Variants in ITPR3 observed in about 807,000 individuals in gnomAD.
ITPR3 encodes the protein inositol 1,4,5-trisphosphate-gated calcium channel ITPR3.
In ITPR3, 173 loss-of-function variants were observed where a neutral mutation model predicts 293.2. The ratio of observed to expected loss-of-function variants is 0.59; its 90% CI spans 0.52 to 0.67. The LOEUF (loss-of-function observed/expected upper bound fraction) is 0.67, where lower values mean the gene tolerates loss of function less well. ITPR3 is among the 30% of genes least tolerant of loss of function. The probability of loss-of-function intolerance (pLI) is 0.00; values close to 1 mark genes in which losing one functional copy is unlikely to be tolerated. For synonymous variants in ITPR3, 1,295 were observed against 1,444.4 expected, an observed-to-expected ratio of 0.90 and a Z score of 2.35; for missense variants, 2,796 against 3,592.1, an observed-to-expected ratio of 0.78 and a Z score of 5.66.
intron 1 of ITPR3, among the ~76,000 whole-genome samples, chr6:33,636,959 C>T (rs771109819): frequency 6.6e-6 from 1 of 152,204 alleles, no homozygotes; most frequent in Non-Finnish European, 1.5e-5. Flanking sequence ...CCTGCTCTGA[C>T]GCCGGGCTGC....
rs1299426621 is a variant in ITPR3 at position 33,666,419 on chromosome 6, TC to T, written c.1551+445del. 6.6e-6 allele frequency among the ~76,000 whole-genome samples: 1 copy of T among 152,166 alleles called. No individual in the cohort carries two copies. Among genetic ancestry groups the T allele is most frequent in the African/African-American group, 2.4e-5 (1 of 41,410 alleles). On this transcript the variant is annotated intron_variant, in intron 14 of 57. Transcript: ENST00000605930. This position sits in a 1 kb window ranked among gnomAD's most constrained non-coding sequence, Gnocchi z 5.1. ...GGCTTTATGTAGCTCGGTTCACACA[TC>T]CGTCTTTCCATCCACACATTGCAAA...
At chr6:33,646,872 G>T (rs1319519347) in intron 2 of ITPR3, among the ~76,000 whole-genome samples, 2 of 151,992 alleles carry the variant, frequency 1.3e-5, no homozygotes, top group Non-Finnish European at 2.9e-5. Flanking sequence ...AGCCGTGATT[G>T]CACCACTGCT....
At chr6:33,689,473 A>G in intron 50 of ITPR3, 63 bp downstream of exon 50, 4 of 1,562,504 alleles carry the variant, frequency 2.6e-6, no homozygotes, top group Non-Finnish European at 3.5e-6. Flanking sequence ...TTCAGACGGC[A>G]AGCTGGCCTG....
chr6:33,643,907 A>C (rs371079788), intron 2 of ITPR3, among the ~76,000 whole-genome samples: 28 of 152,340 alleles, frequency 1.8e-4, no homozygotes, highest in African/African-American at 6.0e-4. Flanking sequence ...AAAGAGAAAA[A>C]TAGGGCTGGG....
intron 2 of ITPR3, among the ~76,000 whole-genome samples, chr6:33,648,967 T>G (rs1008280105): frequency 3.9e-5 from 6 of 152,012 alleles, no homozygotes; most frequent in African/African-American, 1.5e-4. Context: ...TGGCGCAATC[T>G]CGGCTCACTG....
chr6:33,665,792 G>C (rs758846889), intron 13 of ITPR3, 43 bp from the exon 14 acceptor site: 2 of 1,607,826 alleles, frequency 1.2e-6, no homozygotes, highest in Non-Finnish European at 1.7e-6. Context: ...ACACCTGCTG[G>C]GTGGGTATCT....
intron 23 of ITPR3, 65 bp downstream of exon 23, chr6:33,673,785 G>A (rs1001896122): frequency 2.5e-6 from 4 of 1,574,368 alleles, no homozygotes; most frequent in Admixed American, 1.7e-5. Context: ...CAGCAGTGGG[G>A]TGGAGCCAGC....
At position 33,667,417 on chromosome 6, in the gene ITPR3, CA is replaced by C. The variant is rs1764639832; in HGVS notation, c.1713+128del. On this transcript the variant is annotated intron_variant, in intron 15 of 57. Coordinates refer to ENST00000605930, the MANE Select transcript of ITPR3 (RefSeq NM_002224.4). This position sits in a 1 kb window ranked among gnomAD's most constrained non-coding sequence, Gnocchi z 4.4. ...TAGGGTCCAGTAGGGCACCAGACAG[CA>C]GGGCCGGGTTCATGGGAATGGGACC... is the stretch of plus-strand genomic sequence containing the variant. 5 of 1,254,162 alleles carry C rather than the reference CA, an allele frequency of 4.0e-6. No homozygotes were observed. The highest frequency in any genetic ancestry group is 3.2e-6 in the Non-Finnish European group (3 of 923,698). 77.7% of individuals were successfully genotyped at this position (1,254,162 alleles called of 1,614,324 possible).
rs1764721246 is a variant in ITPR3, at chr6:33,670,337, G to A, written c.2202G>A (p.Lys734=). ...CCCTGTCCTGCAGGTACCAGCTGAA[G>A]CTCTTTGCCCGCATGTGCTTGGACC... ...NVLSYYRYQL[K]LFARMCLDRQ... The change falls in exon 19 of 58, where the codon AAG becomes AAA. Residue 734 remains lysine, a synonymous_variant. Transcript: ENST00000605930. The surrounding 1 kb of genome is among the most constrained non-coding windows in gnomAD (Gnocchi z 6.7). The A allele has an allele frequency of 6.2e-7, 1 of 1,613,924 alleles. No individual in the cohort carries two copies. The highest frequency in any genetic ancestry group is 1.7e-5 in the Admixed American group (1 of 60,006).
In ITPR3 at chr6:33,678,829, T is replaced by G; in HGVS notation, c.3962T>G (p.Ile1321Ser). Residue 1321 changes from isoleucine to serine, a missense_variant, in exon 30 of 58, where the codon ATC becomes AGC. Coordinates refer to ENST00000605930, the MANE Select transcript of ITPR3 (RefSeq NM_002224.4). ...TACGTCAAGAAGTGCCAGGACATGA[T>G]CATGACTGAGGTGAGGGCGGGGCTG... ...GKYVKKCQDM[I>S]MTELTNAGDD... The G allele has an allele frequency of 6.2e-7, 1 of 1,612,644 alleles. No homozygotes were observed. Among genetic ancestry groups the G allele is most frequent in the Non-Finnish European group, 8.5e-7 (1 of 1,179,588 alleles).
intron 2 of ITPR3, among the ~76,000 whole-genome samples, chr6:33,651,010 T>C (rs7775313): frequency 0.94 from 143,378 of 152,024 alleles, 68,016 homozygotes; most frequent in East Asian, 1. Flanking sequence ...GGCGGGGTGG[T>C]TCACGCCTGT....
At chr6:33,678,381 T>TTG in intron 28 of ITPR3, 40 bp from the exon 29 acceptor site, 1 of 1,603,052 alleles carries the variant, frequency 6.2e-7, no homozygotes, top group Non-Finnish European at 8.5e-7. Context: ...GCCTCCCTCC[T>TTG]TGGTGGGCCC....
chr6:33,688,521 C>T lies in ITPR3; in HGVS notation c.6568+90C>T, dbSNP rs1211431431. The T allele has an allele frequency of 6.0e-6, 9 of 1,499,176 alleles. No homozygotes were observed. In the South Asian group the frequency reaches 1.0e-4, roughly 17 times the overall value. The allele number at this position is 1,499,176 out of a possible 1,614,324, so 92.9% of individuals were successfully genotyped here. A position where few individuals can be genotyped will look rare whatever the true frequency, so the allele number is the denominator to read the frequency against. On this transcript the variant is annotated intron_variant, in intron 48 of 57. Coordinates refer to ENST00000605930, the MANE Select transcript of ITPR3 (RefSeq NM_002224.4). ...GCCTCCTTTGCCTGCCTGTGGGTGC[C>T]CTGCGCCCAACCCCGCCTCACCCCA... is the stretch of plus-strand genomic sequence containing the variant.
intron 24 of ITPR3, 121 bp downstream of exon 24, chr6:33,674,386 C>G (rs1031124799): frequency 4.4e-6 from 4 of 907,316 alleles, no homozygotes; most frequent in Non-Finnish European, 6.8e-6. Flanking sequence ...CCTCTGCAGA[C>G]CCTCACCGGG....
intron 17 of ITPR3, 107 bp downstream of exon 17, chr6:33,668,741 C>T: frequency 2.6e-6 from 4 of 1,532,776 alleles, no homozygotes; most frequent in Non-Finnish European, 3.6e-6. Context: ...CACCCTTGCT[C>T]TCTGCAGCTG....
chr6:33,658,886 G>A lies in ITPR3; in HGVS notation c.528+58G>A, dbSNP rs1764380975. 5.0e-6 allele frequency: 8 copies of A among 1,606,910 alleles called. No individual in the cohort carries two copies. The South Asian group carries it at 6.6e-5, about 13-fold the overall frequency. Reference sequence around the variant, plus strand: ...TGGAACTCCCGAGGGGCTTCTGTAGGGTCTTCGGTGTGGGGACTGGATAAG... The same window carrying A: ...TGGAACTCCCGAGGGGCTTCTGTAGAGTCTTCGGTGTGGGGACTGGATAAG... On this transcript the variant is annotated intron_variant, in intron 5 of 57. Transcript: ENST00000605930. This position sits in a 1 kb window ranked among gnomAD's most constrained non-coding sequence, Gnocchi z 6.1.
intron 49 of ITPR3, 30 bp downstream of exon 49, chr6:33,688,811 C>G: frequency 1.2e-6 from 2 of 1,613,930 alleles, no homozygotes; most frequent in Non-Finnish European, 1.7e-6. Flanking sequence ...CGGCAGGTTC[C>G]CCGGGCCCTG....
chr6:33,689,641 G>A (rs1438204924), intron 50 of ITPR3, among the ~76,000 whole-genome samples: 2 of 152,264 alleles, frequency 1.3e-5, no homozygotes, highest in Admixed American at 1.3e-4. Flanking sequence ...GAGTCCCTTT[G>A]GAGCAACAGG....
chr6:33,678,314 G>A (rs913004879), intron 28 of ITPR3, 107 bp from the exon 29 acceptor site: 12 of 1,470,988 alleles, frequency 8.2e-6, no homozygotes, highest in African/African-American at 1.4e-5. Flanking sequence ...GCCTCTTCAC[G>A]GTCCCAGTCC....
Sources: allele counts gnomAD v4.1 joint callset (sites outside exome capture counted in the v4.1 genomes callset), GRCh38; gene constraint gnomAD v4.1.1; non-coding constraint Gnocchi (gnomAD v3.1); transcripts MANE v1.5; gene names NCBI Gene and HGNC (gene_info 2026-07-23, HGNC 2026-07-21).